The following FAM184B variants were observed in gnomAD, a reference collection of about 807,000 sequenced individuals.
FAM184B encodes family with sequence similarity 184 member B.
Under a neutral mutation model 135.9 loss-of-function variants are expected in FAM184B, and 111 were observed. The observed-to-expected ratio is 0.82, with a 90% CI of 0.70 to 0.96. FAM184B has a LOEUF of 0.96. Among genes scored for constraint, FAM184B ranks in the 40% least tolerant of loss-of-function variants. The pLI is 0.00. For synonymous variants in FAM184B, 552 were observed against 524.8 expected, an observed-to-expected ratio of 1.05 and a Z score of -0.71; for missense variants, 1,375 against 1,323.9, an observed-to-expected ratio of 1.04 and a Z score of -0.60.
In FAM184B at chr4:17,709,377, C is replaced by G; in HGVS notation, c.409G>C (p.Glu137Gln). 1 of 1,535,510 alleles carries G rather than the reference C, an allele frequency of 6.5e-7. No individual in the cohort carries two copies. The highest frequency in any genetic ancestry group is 8.8e-7 in the Non-Finnish European group (1 of 1,137,064). ...LETKERELRV[E>Q]AEHAERVLTL... is the part of the protein sequence containing the mutation. ...AGGACTCGCTCGGCGTGCTCTGCCT[C>G]CACCCTCAGCTCTCTCTCCTTCGTC... The change falls in exon 2 of 18, where the codon GAG (glutamate) becomes CAG (glutamine). Residue 137 changes from glutamate (E) to glutamine (Q), a missense_variant. Physicochemically the swap from Glu to Gln is conservative, Grantham distance 29 (BLOSUM62 2). Coordinates refer to ENST00000265018, the MANE Select transcript of FAM184B (RefSeq NM_015688.2).
chr4:17,745,847 G>A (rs1459987292), intron 1 of FAM184B, among the ~76,000 whole-genome samples: 1 of 152,170 alleles, frequency 6.6e-6, no homozygotes, highest in Non-Finnish European at 1.5e-5. Flanking sequence ...TGATTTTAGA[G>A]AGTTATCCCT....
intron 1 of FAM184B, among the ~76,000 whole-genome samples, chr4:17,738,500 A>G (rs1257202731): frequency 6.6e-6 from 1 of 152,164 alleles, no homozygotes; most frequent in South Asian, 2.1e-4. Context: ...TCATTGAAGG[A>G]TGATAAAAAC....
chr4:17,765,123 T>C lies in FAM184B; in HGVS notation c.141+16036A>G, dbSNP rs193124587. Among the ~76,000 whole-genome samples, 33 of 152,322 alleles carry C rather than the reference T, an allele frequency of 2.2e-4. 1 individual carries two copies. Among genetic ancestry groups the C allele is most frequent in the Non-Finnish European group, 7.4e-5 (5 of 68,024 alleles). The stretch of plus-strand genomic sequence containing the variant: ...CTTGAAACTACGAGTGTTGCTCCCA[T>C]GGAGTTCTAGTATTTGGATGGTGGG... On this transcript the variant is annotated intron_variant, in intron 1 of 17. Transcript: ENST00000265018.
At chr4:17,686,327 C>A (rs1002269285) in intron 7 of FAM184B, among the ~76,000 whole-genome samples, 6 of 152,216 alleles carry the variant, frequency 3.9e-5, no homozygotes, top group Non-Finnish European at 5.9e-5. Flanking sequence ...GATGAGGGTG[C>A]CTCTGCTCCT....
At chr4:17,675,734 G>A (rs907807738) in intron 7 of FAM184B, among the ~76,000 whole-genome samples, 1 of 152,124 alleles carries the variant, frequency 6.6e-6, no homozygotes, top group East Asian at 1.9e-4. Flanking sequence ...CTCCATCAGC[G>A]CTTGCTGCTT....
chr4:17,706,851 T>C (rs1717131250), intron 3 of FAM184B, among the ~76,000 whole-genome samples: 1 of 151,956 alleles, frequency 6.6e-6, no homozygotes, highest in Non-Finnish European at 1.5e-5. Context: ...AATGGCCCAG[T>C]CTTGGCTCAC....
At chr4:17,767,028 C>T (rs547041834) in intron 1 of FAM184B, among the ~76,000 whole-genome samples, 1 of 152,320 alleles carries the variant, frequency 6.6e-6, no homozygotes, top group Admixed American at 6.5e-5. Context: ...ATCTGGTGCA[C>T]CCTCTGCAGC....
At chr4:17,664,850 C>G (rs918342762) in intron 7 of FAM184B, among the ~76,000 whole-genome samples, 191 bp from the exon 8 acceptor site, 1 of 152,122 alleles carries the variant, frequency 6.6e-6, no homozygotes, top group Non-Finnish European at 1.5e-5. Context: ...CAGTGCCTGG[C>G]TTACTATGAT....
chr4:17,660,037 G>A lies in FAM184B; in HGVS notation c.1745C>T (p.Ser582Phe). The A allele has an allele frequency of 1.3e-6, 2 of 1,551,636 alleles. No homozygotes were observed. The highest frequency in any genetic ancestry group is 2.0e-5 in the Admixed American group (1 of 51,000). ...TTTGGATGTTTTCTCCTTCAACAAA[G>A]AGCCCAGTGGAGGTTGTGGGTCACT... Reference protein sequence around the residue: ...EGSDPQPPLGSLLKEKTSKIQ... With the variant: ...EGSDPQPPLGFLLKEKTSKIQ... The change falls in exon 9 of 18, where the codon TCT becomes TTT. Residue 582 changes from serine to phenylalanine, a missense_variant. Coordinates refer to ENST00000265018, the MANE Select transcript of FAM184B (RefSeq NM_015688.2).
At chr4:17,715,140 A>G (rs114390847) in intron 1 of FAM184B, among the ~76,000 whole-genome samples, 2 of 152,146 alleles carry the variant, frequency 1.3e-5, no homozygotes, top group African/African-American at 2.4e-5. Flanking sequence ...TTTAAACTTC[A>G]TAATAGATTT....
intron 1 of FAM184B, among the ~76,000 whole-genome samples, chr4:17,721,293 A>G (rs1242530685): frequency 6.8e-6 from 1 of 148,042 alleles, no homozygotes; most frequent in Non-Finnish European, 1.5e-5. Flanking sequence ...CTGAGGCAGG[A>G]GAATGGCGTG....
chr4:17,743,909 G>A (rs546552484), intron 1 of FAM184B, among the ~76,000 whole-genome samples: 1 of 152,292 alleles, frequency 6.6e-6, no homozygotes, highest in South Asian at 2.1e-4. Flanking sequence ...AGGACCAAAG[G>A]AAATCGTGGT....
intron 1 of FAM184B, among the ~76,000 whole-genome samples, chr4:17,748,196 C>T (rs1718217055): frequency 6.6e-6 from 1 of 151,766 alleles, no homozygotes; most frequent in African/African-American, 2.4e-5. Flanking sequence ...AATGCTGCTC[C>T]ACCGGAACCT....
chr4:17,660,081 T>TA lies in FAM184B; in HGVS notation c.1700_1701insT (p.Lys567AsnfsTer9), dbSNP rs1715878057. 1 of 1,551,310 alleles carries TA rather than the reference T, an allele frequency of 6.4e-7. No individual in the cohort carries two copies. Among genetic ancestry groups the TA allele is most frequent in the Non-Finnish European group, 8.7e-7 (1 of 1,146,920 alleles). On this transcript the variant is annotated frameshift_variant, in exon 9 of 18. Coordinates refer to ENST00000265018, the MANE Select transcript of FAM184B (RefSeq NM_015688.2). LOFTEE classifies it high-confidence loss of function. ...GGTCACTTCCCTCCTTGAGAAGCAC[T>TA]TTGGTCCTTTGAAGATAAGGATGCC...
In FAM184B at chr4:17,651,613, C is replaced by T. The variant is rs139247351; in HGVS notation, c.2191+1217G>A. ...ATGTAACAGGGAACACTTAGATAGACTTACTGCATACCAGGCTCTATTTGA... is the reference window on the plus strand; with the variant it reads ...ATGTAACAGGGAACACTTAGATAGATTTACTGCATACCAGGCTCTATTTGA... On this transcript the variant is annotated intron_variant, in intron 11 of 17. Coordinates refer to ENST00000265018, the MANE Select transcript of FAM184B (RefSeq NM_015688.2). Among the ~76,000 whole-genome samples, 3 of 146,318 alleles carry T rather than the reference C, an allele frequency of 2.1e-5. No homozygotes were observed. The South Asian group carries it at 6.7e-4, about 33-fold the overall frequency.
intron 1 of FAM184B, among the ~76,000 whole-genome samples, chr4:17,771,714 C>A (rs190162507): frequency 9.8e-5 from 15 of 152,308 alleles, no homozygotes; most frequent in Admixed American, 5.9e-4. Flanking sequence ...GGCATCACTC[C>A]TCCTGCCCTA....
intron 1 of FAM184B, among the ~76,000 whole-genome samples, chr4:17,741,364 G>T (rs141170745): frequency 2.6e-5 from 4 of 152,242 alleles, no homozygotes; most frequent in African/African-American, 7.2e-5. Flanking sequence ...AAGCAATAAG[G>T]TATCACAGGA....
intron 7 of FAM184B, among the ~76,000 whole-genome samples, chr4:17,685,066 A>G (rs537310498): frequency 1.3e-5 from 2 of 152,024 alleles, no homozygotes; most frequent in East Asian, 3.9e-4. Context: ...GGTTGAGGAG[A>G]GCATTAGGGA....
intron 7 of FAM184B, among the ~76,000 whole-genome samples, chr4:17,680,508 G>A (rs1324416479): frequency 2.0e-5 from 3 of 152,046 alleles, no homozygotes; most frequent in African/African-American, 4.8e-5. Context: ...CATTGTCCAT[G>A]TCTCTGAACT....
Sources: allele counts gnomAD v4.1 joint callset (sites outside exome capture counted in the v4.1 genomes callset), GRCh38; gene constraint gnomAD v4.1.1; transcripts MANE v1.5; gene names NCBI Gene and HGNC (gene_info 2026-07-23, HGNC 2026-07-21).